The following NPR1 variants were observed in gnomAD, a reference collection of about 807,000 sequenced individuals.
NPR1 encodes the protein atrial natriuretic peptide receptor 1.
Under a neutral mutation model 116.9 loss-of-function variants are expected in NPR1, and 57 were observed. The observed-to-expected ratio is 0.49, with a 90% CI of 0.39 to 0.61. The LOEUF is 0.61. NPR1 is among the 20% of genes least tolerant of loss of function. The pLI is 0.00. For synonymous variants in NPR1, 555 were observed against 601.6 expected (o/e 0.92, Z 1.13); for missense variants, 1,096 against 1,409.8 (o/e 0.78, Z 3.56).
chr1:153,688,545 C>T (rs1279946412), intron 15 of NPR1, among the ~76,000 whole-genome samples: 1 of 152,168 alleles, frequency 6.6e-6, no homozygotes, highest in East Asian at 1.9e-4. Flanking sequence ...GCCCTGTAGG[C>T]TCTTGGCCCT....
intron 1 of NPR1, among the ~76,000 whole-genome samples, chr1:153,680,227 C>A (rs1171691006): frequency 2.0e-5 from 3 of 150,642 alleles, no homozygotes; most frequent in Non-Finnish European, 4.4e-5. Flanking sequence ...CATCCTTCTC[C>A]ACCTTCAGCT....
chr1:153,679,126 C>T lies in NPR1; in HGVS notation c.18C>T (p.Arg6=). The T allele has an allele frequency of 7.0e-7, 1 of 1,437,678 alleles. No homozygotes were observed. Among genetic ancestry groups the T allele is most frequent in the Non-Finnish European group, 9.0e-7 (1 of 1,106,796 alleles). The allele number at this position is 1,437,678 out of a possible 1,614,324, so 89.1% of individuals were successfully genotyped here. ...CTGAGGCCATGCCGGGGCCCCGGCG[C>T]CCCGCTGGCTCCCGCCTGCGCCTGC... The part of the protein sequence containing the change: MPGPR[R]PAGSRLRLLL... The change falls in exon 1 of 22, where the codon CGC becomes CGT. Residue 6 remains arginine, a synonymous_variant. Transcript: ENST00000368680. This position sits in a 1 kb window ranked among gnomAD's most constrained non-coding sequence, Gnocchi z 4.2.
At chr1:153,682,685 G>A (rs972568432) in intron 5 of NPR1, 96 bp downstream of exon 5, 2 of 904,044 alleles carry the variant, frequency 2.2e-6, no homozygotes, top group Non-Finnish European at 3.6e-6. Flanking sequence ...TGTTTATCCT[G>A]TAGCCATTCC....
In NPR1 at chr1:153,679,950, A is replaced by G; in HGVS notation, c.721+121A>G. The G allele has an allele frequency of 5.2e-6, 7 of 1,351,154 alleles. No individual in the cohort carries two copies. In the South Asian group the frequency reaches 6.9e-5, roughly 13 times the overall value. The allele number at this position is 1,351,154 out of a possible 1,614,324, so 83.7% of individuals were successfully genotyped here. On this transcript the variant is annotated intron_variant, in intron 1 of 21. Transcript: ENST00000368680. The surrounding 1 kb of genome is among the most constrained non-coding windows in gnomAD (Gnocchi z 4.2). ...CTCTTCTTTCTCCTCGCCGTTCTTCATTCTACTTTCAGCTCCCTGGCCCTT... is the reference window on the plus strand; with the variant it reads ...CTCTTCTTTCTCCTCGCCGTTCTTCGTTCTACTTTCAGCTCCCTGGCCCTT...
rs765066553 is a variant in NPR1 at position 153,679,152 on chromosome 1, T to C, written c.44T>C (p.Leu15Pro). Reference sequence around the variant, plus strand: ...CCCGCTGGCTCCCGCCTGCGCCTGCTCCTGCTCCTGCTGCTGCCGCCGCTG... The same window carrying C: ...CCCGCTGGCTCCCGCCTGCGCCTGCCCCTGCTCCTGCTGCTGCCGCCGCTG... ...RRPAGSRLRL[L>P]LLLLLPPLLL... is the part of the protein sequence containing the mutation. The change falls in exon 1 of 22, where the codon CTC becomes CCC. Residue 15 changes from leucine (L) to proline (P), a missense_variant. Physicochemically the swap from Leu to Pro is moderately conservative, Grantham distance 98. Coordinates refer to ENST00000368680, the MANE Select transcript of NPR1 (RefSeq NM_000906.4). The surrounding 1 kb of genome is among the most constrained non-coding windows in gnomAD (Gnocchi z 4.2). 1.5e-4 allele frequency: 226 copies of C among 1,494,558 alleles called. 1 individual carries two copies. Among genetic ancestry groups the C allele is most frequent in the South Asian group, 2.5e-4 (20 of 79,298 alleles). 92.6% of individuals were successfully genotyped at this position (1,494,558 alleles called of 1,614,324 possible).
Position 153,689,646 on chromosome 1 carries a change from A to G in NPR1, c.2757+125A>G, listed in dbSNP as rs947259139. 7 of 1,206,372 alleles carry G rather than the reference A, an allele frequency of 5.8e-6. No individual in the cohort carries two copies. In the East Asian group the frequency reaches 1.7e-4, roughly 29 times the overall value. The allele number at this position is 1,206,372 out of a possible 1,614,324, so 74.7% of individuals were successfully genotyped here. On this transcript the variant is annotated intron_variant, in intron 18 of 21. Coordinates refer to ENST00000368680, the MANE Select transcript of NPR1 (RefSeq NM_000906.4). This position sits in a 1 kb window ranked among gnomAD's most constrained non-coding sequence, Gnocchi z 5.1. Reference sequence around the variant, plus strand: ...ATCGGGGACACGGGCAGAGACAGTGACACAGGGAGACCCGGGAACAGGCAG... The same window carrying G: ...ATCGGGGACACGGGCAGAGACAGTGGCACAGGGAGACCCGGGAACAGGCAG...
At chr1:153,685,655 C>T in intron 8 of NPR1, 151 bp from the exon 9 acceptor site, 1 of 656,682 alleles carries the variant, frequency 1.5e-6, no homozygotes, top group Non-Finnish European at 2.7e-6. Context: ...CACAATGATA[C>T]TACATCTCAA....
chr1:153,692,976 C>T, intron 20 of NPR1, 130 bp from the exon 21 acceptor site: 1 of 726,170 alleles, frequency 1.4e-6, no homozygotes, highest in Non-Finnish European at 2.3e-6. Context: ...AGAGGGCTTC[C>T]TGGCCCAAAA....
At chr1:153,683,681 T>G in intron 6 of NPR1, 59 bp from the exon 7 acceptor site, 1 of 1,576,766 alleles carries the variant, frequency 6.3e-7, no homozygotes, top group Non-Finnish European at 8.7e-7. Context: ...ATTAGAAAGT[T>G]CTTCCTCCTG....
chr1:153,688,263 C>T (rs767168011), intron 15 of NPR1, 42 bp downstream of exon 15: 1 of 1,590,670 alleles, frequency 6.3e-7, no homozygotes, highest in Non-Finnish European at 8.6e-7. Context: ...CCTTCCTCCA[C>T]AGCCACCATT....
chr1:153,684,986 C>T lies in NPR1; in HGVS notation c.1507C>T (p.Leu503=). The change falls in exon 8 of 22, where the codon CTG becomes TTG. Residue 503 remains leucine, a synonymous_variant. Coordinates refer to ENST00000368680, the MANE Select transcript of NPR1 (RefSeq NM_000906.4). ...IYRKMQLEKE[L]ASELWRVRWE... ...CAGGAAGATGCAGCTGGAGAAGGAA[C>T]TGGCCTCGGAGCTGTGGCGGGTGCG... is the stretch of plus-strand genomic sequence containing the variant. The T allele has an allele frequency of 6.2e-7, 1 of 1,614,116 alleles. No homozygotes were observed.
intron 9 of NPR1, 63 bp from the exon 10 acceptor site, chr1:153,686,060 A>C: frequency 6.4e-7 from 1 of 1,556,664 alleles, no homozygotes; most frequent in South Asian, 1.1e-5. Flanking sequence ...TGTCGGGAGC[A>C]GCTGGAATTC....
In NPR1 at chr1:153,679,393, C is replaced by T; in HGVS notation, c.285C>T (p.Thr95=). The change falls in exon 1 of 22, where the codon ACC becomes ACT. Residue 95 remains threonine (T), a synonymous_variant. Transcript: ENST00000368680. This position sits in a 1 kb window ranked among gnomAD's most constrained non-coding sequence, Gnocchi z 4.2. ...SENALGVCSD[T]AAPLAAVDLK... ...ACGCGCTGGGCGTCTGCTCCGACACCGCAGCGCCCCTGGCCGCGGTGGACC... is the reference window on the plus strand; with the variant it reads ...ACGCGCTGGGCGTCTGCTCCGACACTGCAGCGCCCCTGGCCGCGGTGGACC... 1 of 1,540,462 alleles carries T rather than the reference C, an allele frequency of 6.5e-7. No individual in the cohort carries two copies. The highest frequency in any genetic ancestry group is 8.7e-7 in the Non-Finnish European group (1 of 1,148,226).
chr1:153,693,234 G>T (rs372792350), intron 21 of NPR1, 37 bp downstream of exon 21: 21 of 1,604,868 alleles, frequency 1.3e-5, no homozygotes, highest in African/African-American at 1.1e-4. Context: ...CACCTTTTGG[G>T]GTCCTAGAGG....
chr1:153,693,059 C>G, intron 20 of NPR1, 47 bp from the exon 21 acceptor site: 1 of 1,478,568 alleles, frequency 6.8e-7, no homozygotes, highest in South Asian at 1.2e-5. Flanking sequence ...CTTTCCTGCT[C>G]TCCTCTCTCA....
intron 20 of NPR1, among the ~76,000 whole-genome samples, chr1:153,692,087 G>A (rs950710613): frequency 6.6e-6 from 1 of 151,920 alleles, no homozygotes; most frequent in Non-Finnish European, 1.5e-5. Flanking sequence ...TCAGTTCCTC[G>A]GCCACAAAAT....
rs757052531 is a variant in NPR1 at position 153,689,342 on chromosome 1, CA to C, written c.2688+33del. 6 of 1,614,048 alleles carry C rather than the reference CA, an allele frequency of 3.7e-6. No individual in the cohort carries two copies. In the South Asian group the frequency reaches 5.5e-5, roughly 15 times the overall value. On this transcript the variant is annotated intron_variant, in intron 17 of 21. Coordinates refer to ENST00000368680, the MANE Select transcript of NPR1 (RefSeq NM_000906.4). The surrounding 1 kb of genome is among the most constrained non-coding windows in gnomAD (Gnocchi z 5.1). ...CCAGGGTTCAGCCACAGGTGCCAGGCAAGCTCAGCATCTGGATCCCACCAGA... is the reference window on the plus strand; with the variant it reads ...CCAGGGTTCAGCCACAGGTGCCAGGCAGCTCAGCATCTGGATCCCACCAGA...
intron 20 of NPR1, among the ~76,000 whole-genome samples, chr1:153,691,628 TG>T: frequency 6.6e-6 from 1 of 152,130 alleles, no homozygotes; most frequent in South Asian, 2.1e-4. Context: ...TTCTGGGCGC[TG>T]GGGGTGCTTG....
chr1:153,687,847 G>T, intron 14 of NPR1, 58 bp downstream of exon 14: 1 of 1,518,016 alleles, frequency 6.6e-7, no homozygotes, highest in South Asian at 1.3e-5. Flanking sequence ...CCCAGCCCCA[G>T]GGAGAGGGTC....
Sources: gnomAD v4.1 joint callset for allele counts (sites outside exome capture counted in the v4.1 genomes callset) on GRCh38, gnomAD v4.1.1 for gene constraint, Gnocchi (gnomAD v3.1) non-coding constraint, MANE v1.5 for transcripts, NCBI Gene and HGNC (gene_info 2026-07-23, HGNC 2026-07-21) for gene names.